The following KCNG1 variants were observed in gnomAD, a reference collection of about 807,000 sequenced individuals.
The protein encoded by KCNG1 is potassium voltage-gated channel modifier subfamily G member 1.
KCNG1 carries 17 observed loss-of-function variants against 32.4 expected under a neutral mutation model. That is an observed-to-expected ratio of 0.52 (90% CI 0.36 to 0.79). KCNG1 has a LOEUF of 0.79. Among genes scored for constraint, KCNG1 ranks in the 30% least tolerant of loss-of-function variants. The pLI is 0.00. For missense variants in KCNG1, 441 were observed against 735.2 expected (o/e 0.60, Z 4.63); for synonymous variants, 358 against 339.9 (o/e 1.05, Z -0.59).
At chr20:51,013,595 A>G (rs1988173744) in intron 1 of KCNG1, 2 of 152,214 alleles carry the variant, frequency 1.3e-5, no homozygotes, top group South Asian at 4.1e-4. Flanking sequence ...ACAAAAGCAC[A>G]TCATCCCTCT....
chr20:51,011,946 C>T (rs1988110692), intron 1 of KCNG1, among the ~76,000 whole-genome samples: 1 of 152,190 alleles, frequency 6.6e-6, no homozygotes, highest in African/African-American at 2.4e-5. Context: ...ACAGGTGTGC[C>T]ACCACACCTG....
At chr20:51,018,005 A>G (rs901018736) in intron 1 of KCNG1, among the ~76,000 whole-genome samples, 3 of 152,222 alleles carry the variant, frequency 2.0e-5, no homozygotes, top group African/African-American at 7.2e-5. Flanking sequence ...GGTGATGCTT[A>G]TAAGCTATGG....
chr20:51,016,465 G>C (rs891650081), intron 1 of KCNG1, among the ~76,000 whole-genome samples: 1 of 152,030 alleles, frequency 6.6e-6, no homozygotes, highest in Non-Finnish European at 1.5e-5. Flanking sequence ...TTGAAAAAAA[G>C]CTGGTTCTGG....
chr20:51,014,602 G>A (rs553289840), intron 1 of KCNG1, among the ~76,000 whole-genome samples: 1 of 152,308 alleles, frequency 6.6e-6, no homozygotes, highest in East Asian at 1.9e-4. Context: ...CGCTCACCAC[G>A]TGTCAGACTC....
intron 2 of KCNG1, chr20:51,007,245 G>C (rs1440192090): frequency 6.6e-6 from 1 of 151,606 alleles, no homozygotes; most frequent in Admixed American, 6.6e-5. Flanking sequence ...GAGTACAGTG[G>C]TGCAATCTTG....
chr20:51,013,206 G>A (rs980872351), intron 1 of KCNG1, among the ~76,000 whole-genome samples: 1 of 152,154 alleles, frequency 6.6e-6, no homozygotes, highest in Non-Finnish European at 1.5e-5. Flanking sequence ...GGAGGCTGAG[G>A]CAGGAGAATC....
At chr20:51,014,238 C>T (rs986794724) in intron 1 of KCNG1, 2 of 152,228 alleles carry the variant, frequency 1.3e-5, no homozygotes, top group African/African-American at 4.8e-5. Context: ...CATATTTCTC[C>T]ATGGCCTTTG....
At chr20:51,011,661 G>A (rs893658633) in intron 1 of KCNG1, among the ~76,000 whole-genome samples, 5 of 152,190 alleles carry the variant, frequency 3.3e-5, no homozygotes, top group Non-Finnish European at 1.5e-5. Context: ...ACCTTGATGT[G>A]TCTTAATTTC....
chr20:51,015,873 G>C lies in KCNG1; in HGVS notation c.-26-5509C>G, dbSNP rs1357116009. On this transcript the variant is annotated intron_variant, in intron 1 of 2. Coordinates refer to ENST00000371571, the MANE Select transcript of KCNG1 (RefSeq NM_002237.4). This position sits in a 1 kb window ranked among gnomAD's most constrained non-coding sequence, Gnocchi z 4.4. ...AAAGCAGGAGATGGAGCGGCAGAGG[G>C]CTGCGGCATGAGAATGACTCCACTG... is the stretch of plus-strand genomic sequence containing the variant. 1.3e-5 allele frequency among the ~76,000 whole-genome samples: 2 copies of C among 152,192 alleles called. No individual in the cohort carries two copies. Among genetic ancestry groups the C allele is most frequent in the Non-Finnish European group, 2.9e-5 (2 of 68,028 alleles).
Position 51,004,952 on chromosome 20 carries a change from G to A in KCNG1, c.775-146C>T. 1.3e-6 allele frequency: 1 copy of A among 750,844 alleles called. No individual in the cohort carries two copies. The highest frequency in any genetic ancestry group is 2.1e-6 in the Non-Finnish European group (1 of 485,204). The allele number at this position is 750,844 out of a possible 1,614,324, so 46.5% of individuals were successfully genotyped here. The stretch of plus-strand genomic sequence containing the variant: ...GGCCCCGGGTCCTCTCCCTAGTTGT[G>A]CCCACTCCGAGGCCTGGGGCACTAA... On this transcript the variant is annotated intron_variant, in intron 2 of 2. Transcript: ENST00000371571. This position sits in a 1 kb window ranked among gnomAD's most constrained non-coding sequence, Gnocchi z 4.3.
chr20:51,011,470 T>C (rs1440803488), intron 1 of KCNG1, among the ~76,000 whole-genome samples: 9 of 152,072 alleles, frequency 5.9e-5, no homozygotes, highest in African/African-American at 1.9e-4. Flanking sequence ...ATGACTGGGG[T>C]TGCTATTGGC....
At chr20:51,012,079 T>C (rs1988114486) in intron 1 of KCNG1, among the ~76,000 whole-genome samples, 1 of 152,158 alleles carries the variant, frequency 6.6e-6, no homozygotes, top group African/African-American at 2.4e-5. Flanking sequence ...AGGTGTGAGC[T>C]ACCACGCCCG....
rs750921918 is a variant in KCNG1 at position 51,004,623 on chromosome 20, C to T, written c.958G>A (p.Gly320Ser). 15 of 1,591,056 alleles carry T rather than the reference C, an allele frequency of 9.4e-6. No individual in the cohort carries two copies. The highest frequency in any genetic ancestry group is 1.2e-5 in the Non-Finnish European group (14 of 1,168,588). ...GGCTTGCGACGGCCTGCGGCGGCGC[C>T]GTCCACCAGCAGCGTGATGTAGTAG... Reference protein sequence around the residue: ...LPYYITLLVDGAAAGRRKPGA... With the variant: ...LPYYITLLVDSAAAGRRKPGA... Residue 320 changes from glycine (G) to serine (S), a missense_variant, in exon 3 of 3, where the codon GGC becomes AGC. Gly to Ser is a moderately conservative substitution (Grantham distance 56). This residue lies in a region of KCNG1 where 169 missense variants were observed against 297.7 expected (regional missense o/e 0.57). Transcript: ENST00000371571. The surrounding 1 kb of genome is among the most constrained non-coding windows in gnomAD (Gnocchi z 4.3).
intron 2 of KCNG1, among the ~76,000 whole-genome samples, chr20:51,007,679 A>T (rs1330825012): frequency 6.7e-6 from 1 of 148,864 alleles, no homozygotes; most frequent in African/African-American, 2.5e-5. Flanking sequence ...TGTAAATGAG[A>T]CATGAGAATC....
At chr20:51,010,397 AC>A in intron 1 of KCNG1, 33 bp from the exon 2 acceptor site, 1 of 1,387,364 alleles carries the variant, frequency 7.2e-7, no homozygotes, top group Non-Finnish European at 9.7e-7. Context: ...ACCCTCAGTG[AC>A]CACCCCTAGC....
chr20:51,018,119 A>T (rs1254090482), intron 1 of KCNG1, among the ~76,000 whole-genome samples: 1 of 152,142 alleles, frequency 6.6e-6, no homozygotes, highest in Non-Finnish European at 1.5e-5. Flanking sequence ...CACATGACTG[A>T]GGGTACAGGT....
In KCNG1 at chr20:51,009,874, G is replaced by C; in HGVS notation, c.465C>G (p.Gly155=). The C allele has an allele frequency of 6.2e-7, 1 of 1,613,562 alleles. No individual in the cohort carries two copies. Residue 155 remains glycine, a synonymous_variant, in exon 2 of 3, where the codon GGC becomes GGG. Transcript: ENST00000371571. ...AGCCGTCCAGGTGGTCCTCCGCGAT[G>C]CCCCAGTACAGCAGCTCCTCCTGGA... is the stretch of plus-strand genomic sequence containing the variant. ...LSFQEELLYW[G]IAEDHLDGCC...
Position 51,015,295 on chromosome 20 carries a change from C to T in KCNG1, c.-26-4931G>A, listed in dbSNP as rs1319842965. Among the ~76,000 whole-genome samples, 1 of 152,100 alleles carries T rather than the reference C, an allele frequency of 6.6e-6. No individual in the cohort carries two copies. Among genetic ancestry groups the T allele is most frequent in the African/African-American group, 2.4e-5 (1 of 41,402 alleles). ...TCAGGATTCCAGGGGTGCCATTTAC[C>T]GAGGCGACGGATAGGTGGCGCTATG... On this transcript the variant is annotated intron_variant, in intron 1 of 2. Coordinates refer to ENST00000371571, the MANE Select transcript of KCNG1 (RefSeq NM_002237.4). This position sits in a 1 kb window ranked among gnomAD's most constrained non-coding sequence, Gnocchi z 4.4.
At chr20:51,018,594 A>G (rs543607406) in intron 1 of KCNG1, among the ~76,000 whole-genome samples, 2 of 152,278 alleles carry the variant, frequency 1.3e-5, no homozygotes, top group Admixed American at 6.5e-5. Context: ...AAAGTGTTAT[A>G]AATAGCAGCA....
Sources: gnomAD v4.1 joint callset for allele counts (sites outside exome capture counted in the v4.1 genomes callset) on GRCh38, gnomAD v4.1.1 for gene constraint, gnomAD v4.1.1 regional missense constraint, Gnocchi (gnomAD v3.1) non-coding constraint, MANE v1.5 for transcripts, NCBI Gene and HGNC (gene_info 2026-07-23, HGNC 2026-07-21) for gene names.